LNX1: variants seen among roughly 807,000 people sequenced by gnomAD.
LNX1 encodes ligand of numb-protein X 1.
A neutral mutation model predicts 68.4 loss-of-function variants in LNX1; 54 were observed. That is an observed-to-expected ratio of 0.79 (90% CI 0.63 to 0.99). The LOEUF is 0.99. LNX1 is among the 50% of genes least tolerant of loss of function. The pLI, the probability that LNX1 is intolerant of heterozygous loss-of-function variation, is 0.00. For missense variants in LNX1, 906 were observed against 926.4 expected (o/e 0.98, Z 0.29); for synonymous variants, 336 against 350.0 (o/e 0.96, Z 0.45).
At chr4:53,462,435 T>G (rs1240382256) in intron 9 of LNX1, among the ~76,000 whole-genome samples, 1 of 152,120 alleles carries the variant, frequency 6.6e-6, no homozygotes, top group Admixed American at 6.6e-5. Context: ...TGACCACATT[T>G]GTAGCTGTAG....
chr4:53,495,194 A>G (rs1415462608), intron 6 of LNX1, among the ~76,000 whole-genome samples: 2 of 152,218 alleles, frequency 1.3e-5, no homozygotes, highest in South Asian at 2.1e-4. Context: ...TTACAATTAC[A>G]TATTAATTGA....
chr4:53,569,683 A>T (rs1375209167), intron 2 of LNX1, among the ~76,000 whole-genome samples: 1 of 151,334 alleles, frequency 6.6e-6, no homozygotes, highest in Non-Finnish European at 1.5e-5. Flanking sequence ...TAAACTAAAG[A>T]GCTTCTGCAC....
At chr4:53,527,033 T>C (rs1727657752) in intron 2 of LNX1, among the ~76,000 whole-genome samples, 1 of 137,740 alleles carries the variant, frequency 7.3e-6, no homozygotes, top group Non-Finnish European at 1.5e-5. Flanking sequence ...AATAAGGTTT[T>C]AGACTCTTCC....
chr4:53,485,917 G>A (rs374842893), intron 6 of LNX1, among the ~76,000 whole-genome samples: 2 of 152,198 alleles, frequency 1.3e-5, no homozygotes, highest in East Asian at 1.9e-4. Context: ...ATTCCAGCAA[G>A]CAAGGAATAG....
intron 2 of LNX1, among the ~76,000 whole-genome samples, chr4:53,610,877 T>A (rs567129603): frequency 7.0e-4 from 107 of 152,094 alleles, no homozygotes; most frequent in Admixed American, 1.5e-3. Context: ...TAAAAACATC[T>A]AAACTCTATA....
rs183176340 is a variant in LNX1 at position 53,615,633 on chromosome 4, T to A, written c.-215+884A>T. Among the ~76,000 whole-genome samples, 617 of 152,280 alleles carry A rather than the reference T, an allele frequency of 4.1e-3. 3 individuals carry two copies. The highest frequency in any genetic ancestry group is 0.014 in the African/African-American group (593 of 41,558). ...CAACCCACAGAATTGTGAACAATAA[T>A]AAAGGTTGTTGTTTTAAGGTATTGA... On this transcript the variant is annotated intron_variant, in intron 2 of 3. Coordinates refer to the LNX1 transcript ENST00000504299.
rs10031491 is a variant in LNX1 at position 53,558,270 on chromosome 4, G to A, written c.380+15353C>T. 3,286 of 1,158,956 alleles carry A rather than the reference G, an allele frequency of 2.8e-3. 70 individuals are homozygous for A. In the African/African-American group the frequency reaches 0.046, roughly 16 times the overall value. The allele number at this position is 1,158,956 out of a possible 1,614,324, so 71.8% of individuals were successfully genotyped here. On this transcript the variant is annotated intron_variant, in intron 2 of 10. Transcript: ENST00000263925. Reference sequence around the variant, plus strand: ...GGAACCAGCCCCTCCTGCAGGATGCGGACTGGTTCTTGGGAAGCAGCTGGT... The same window carrying A: ...GGAACCAGCCCCTCCTGCAGGATGCAGACTGGTTCTTGGGAAGCAGCTGGT...
At chr4:53,478,057 A>G (rs1351052828) in intron 8 of LNX1, among the ~76,000 whole-genome samples, 1 of 152,178 alleles carries the variant, frequency 6.6e-6, no homozygotes, top group East Asian at 1.9e-4. Context: ...TTATTTACTC[A>G]AAGTAGCCCA....
At chr4:53,614,046 T>C (rs1484993851) in intron 2 of LNX1, among the ~76,000 whole-genome samples, 1 of 152,238 alleles carries the variant, frequency 6.6e-6, no homozygotes, top group Non-Finnish European at 1.5e-5. Context: ...GTGGTTTTGA[T>C]TTGCATTTCT....
At chr4:53,466,781 G>A (rs543571243) in intron 9 of LNX1, among the ~76,000 whole-genome samples, 1 of 152,376 alleles carries the variant, frequency 6.6e-6, no homozygotes, top group South Asian at 2.1e-4. Context: ...AAGGCTGGGG[G>A]AGGGGCGCCC....
chr4:53,544,849 G>C (rs1480621651), intron 2 of LNX1, among the ~76,000 whole-genome samples: 1 of 152,210 alleles, frequency 6.6e-6, no homozygotes, highest in Non-Finnish European at 1.5e-5. Flanking sequence ...CATCATAACA[G>C]AGAAGTTAAG....
At chr4:53,542,840 AC>A (rs1412111432) in intron 2 of LNX1, among the ~76,000 whole-genome samples, 5 of 152,014 alleles carry the variant, frequency 3.3e-5, no homozygotes, top group Non-Finnish European at 5.9e-5. Context: ...CCCGGTAAGA[AC>A]CCCCCTCTCC....
chr4:53,520,982 A>G (rs1470568740), intron 2 of LNX1, among the ~76,000 whole-genome samples: 2 of 152,174 alleles, frequency 1.3e-5, no homozygotes, highest in Non-Finnish European at 2.9e-5. Context: ...AAAAACCCCA[A>G]ATTATTCTAT....
intron 1 of LNX1, among the ~76,000 whole-genome samples, chr4:53,581,908 T>C (rs1731861903): frequency 6.6e-6 from 1 of 152,220 alleles, no homozygotes; most frequent in South Asian, 2.1e-4. Flanking sequence ...ACTGATCTTG[T>C]CTTTATTTGA....
In LNX1 at chr4:53,567,875, C is replaced by G. The variant is rs563597788; in HGVS notation, c.380+5748G>C. Among the ~76,000 whole-genome samples the G allele has an allele frequency of 9.2e-5, 14 of 152,166 alleles. No individual in the cohort carries two copies. In the East Asian group the frequency reaches 2.7e-3, roughly 29 times the overall value. On this transcript the variant is annotated intron_variant, in intron 2 of 10. Coordinates refer to ENST00000263925, the MANE Select transcript of LNX1 (RefSeq NM_001126328.3). ...AGAGAATACTACAAACACCTCTATG[C>G]AAATAAACTAGAAAATCTAGAAGAA...
intron 1 of LNX1, among the ~76,000 whole-genome samples, chr4:53,634,557 C>T (rs1160383539): frequency 6.6e-6 from 1 of 152,012 alleles, no homozygotes; most frequent in Non-Finnish European, 1.5e-5. Context: ...GCTCGGTTTT[C>T]TATTCTTCTT....
chr4:53,566,292 C>A (rs1378244864), intron 2 of LNX1, among the ~76,000 whole-genome samples: 1 of 150,020 alleles, frequency 6.7e-6, no homozygotes, highest in African/African-American at 2.5e-5. Context: ...AGACTAACAG[C>A]GGATCTCTCT....
At chr4:53,563,916 C>G (rs181509927) in intron 2 of LNX1, among the ~76,000 whole-genome samples, 4 of 152,166 alleles carry the variant, frequency 2.6e-5, no homozygotes, top group Non-Finnish European at 5.9e-5. Context: ...CATATGGTGA[C>G]TAATACATAC....
chr4:53,467,487 C>T (rs1722775268), intron 9 of LNX1, among the ~76,000 whole-genome samples: 1 of 152,126 alleles, frequency 6.6e-6, no homozygotes, highest in Admixed American at 6.5e-5. Flanking sequence ...CAAAGCTGAA[C>T]AGAGAATGAC....
Sources: gnomAD v4.1 joint callset for allele counts (sites outside exome capture counted in the v4.1 genomes callset) on GRCh38, gnomAD v4.1.1 for gene constraint, MANE v1.5 for transcripts, NCBI Gene and HGNC (gene_info 2026-07-23, HGNC 2026-07-21) for gene names.